The following DCDC1 variants were observed in gnomAD, a reference collection of about 807,000 sequenced individuals.
DCDC1 encodes the protein doublecortin domain-containing protein 1.
Under a neutral mutation model 178.3 loss-of-function variants are expected in DCDC1, and 200 were observed. The ratio of observed to expected loss-of-function variants is 1.12; its 90% CI spans 1.00 to 1.26. The LOEUF (loss-of-function observed/expected upper bound fraction) is 1.26, where lower values mean the gene tolerates loss of function less well. Among genes scored for constraint, DCDC1 ranks in the 50% most tolerant of loss-of-function variants. The pLI is 0.00. For missense variants in DCDC1, 1,983 were observed against 1,749.2 expected (o/e 1.13, Z -2.38); for synonymous variants, 690 against 604.8 (o/e 1.14, Z -2.07).
At chr11:30,986,044 T>C (rs187421568) in intron 20 of DCDC1, among the ~76,000 whole-genome samples, 28 of 152,290 alleles carry the variant, frequency 1.8e-4, no homozygotes, top group South Asian at 4.1e-4. Flanking sequence ...TGTTTTTCTG[T>C]AGTGTATAAA....
intron 9 of DCDC1, among the ~76,000 whole-genome samples, chr11:31,213,200 G>C (rs116554594): frequency 7.3e-6 from 1 of 136,736 alleles, no homozygotes; most frequent in Non-Finnish European, 1.5e-5. Context: ...TGTCCTCCAA[G>C]AAAGGCATGT....
At chr11:30,971,428 A>C (rs1161753751) in intron 20 of DCDC1, among the ~76,000 whole-genome samples, 1 of 152,134 alleles carries the variant, frequency 6.6e-6, no homozygotes, top group Non-Finnish European at 1.5e-5. Context: ...AAATTAGGAA[A>C]ATAATTCAAA....
At chr11:31,115,856 G>T (rs1959824837) in intron 11 of DCDC1, among the ~76,000 whole-genome samples, 1 of 152,034 alleles carries the variant, frequency 6.6e-6, no homozygotes, top group Admixed American at 6.6e-5. Flanking sequence ...AGGGAGACAT[G>T]CCTTTGCATC....
intron 9 of DCDC1, among the ~76,000 whole-genome samples, chr11:31,162,704 A>AT (rs551689582): frequency 6.6e-6 from 1 of 152,172 alleles, no homozygotes; most frequent in Non-Finnish European, 1.5e-5. Flanking sequence ...AAAACCAGCA[A>AT]TGTATTTCTG....
At chr11:30,896,677 A>G (rs1267668468) in intron 34 of DCDC1, among the ~76,000 whole-genome samples, 4 of 152,108 alleles carry the variant, frequency 2.6e-5, no homozygotes, top group Non-Finnish European at 4.4e-5. Context: ...CGTTTTACTT[A>G]TTTATCAGTT....
chr11:31,009,809 TCA>T (rs978749901), intron 20 of DCDC1, among the ~76,000 whole-genome samples: 1 of 152,132 alleles, frequency 6.6e-6, no homozygotes, highest in African/African-American at 2.4e-5. Context: ...TTTAATTGAC[TCA>T]CAGTTCCACA....
chr11:31,096,130 T>C (rs1032868755), intron 15 of DCDC1, among the ~76,000 whole-genome samples: 2 of 152,182 alleles, frequency 1.3e-5, no homozygotes, highest in Non-Finnish European at 2.9e-5. Context: ...TATTCTGTAA[T>C]GAAAGTCACT....
In DCDC1 at chr11:31,217,551, G is replaced by A. The variant is rs1350829196; in HGVS notation, c.1221+23899C>T. 1.3e-5 allele frequency among the ~76,000 whole-genome samples: 2 copies of A among 152,020 alleles called. 1 individual carries two copies. The highest frequency in any genetic ancestry group is 2.9e-5 in the Non-Finnish European group (2 of 67,958). ...AACTAGAAGCACCTCTGTAAGAAAA[G>A]ATCCAAATGTTATCACTGGAAACTA... is the stretch of plus-strand genomic sequence containing the variant. On this transcript the variant is annotated intron_variant, in intron 9 of 38. Coordinates refer to ENST00000684477, the MANE Select transcript of DCDC1 (RefSeq NM_001387274.1).
intron 11 of DCDC1, among the ~76,000 whole-genome samples, chr11:31,123,884 C>A (rs1961175773): frequency 6.6e-6 from 1 of 151,906 alleles, no homozygotes; most frequent in Admixed American, 6.6e-5. Flanking sequence ...GAAAAATATT[C>A]TTTTATTTTA....
chr11:30,975,841 T>A (rs1950072903), intron 20 of DCDC1, among the ~76,000 whole-genome samples: 1 of 151,816 alleles, frequency 6.6e-6, no homozygotes, highest in Admixed American at 6.6e-5. Flanking sequence ...TGTCATTTTT[T>A]ACAGAAATAG....
intron 20 of DCDC1, among the ~76,000 whole-genome samples, chr11:31,024,715 G>A (rs1200527230): frequency 1.3e-5 from 2 of 151,740 alleles, no homozygotes; most frequent in African/African-American, 2.4e-5. Context: ...GTATTTAGAT[G>A]ACATACATAC....
intron 8 of DCDC1, among the ~76,000 whole-genome samples, chr11:31,259,157 C>T (rs866258412): frequency 6.6e-6 from 1 of 152,040 alleles, no homozygotes; most frequent in East Asian, 1.9e-4. Context: ...TCAAGACCAA[C>T]CTGGCCAACA....
intron 21 of DCDC1, among the ~76,000 whole-genome samples, chr11:30,935,799 G>A (rs1274226279): frequency 3.9e-5 from 6 of 152,118 alleles, no homozygotes; most frequent in South Asian, 2.1e-4. Context: ...TGATCCGCCC[G>A]CCTCGGCCTC....
chr11:30,915,458 A>T, intron 27 of DCDC1, 53 bp downstream of exon 27: 1 of 1,593,418 alleles, frequency 6.3e-7, no homozygotes, highest in South Asian at 1.1e-5. Context: ...TGCTAGACTT[A>T]TTAGGATCCT....
At chr11:30,923,120 C>T (rs1197868140) in intron 23 of DCDC1, among the ~76,000 whole-genome samples, 2 of 151,984 alleles carry the variant, frequency 1.3e-5, no homozygotes, top group Non-Finnish European at 2.9e-5. Context: ...TCCCTAAAAC[C>T]CAAATCTGGT....
intron 20 of DCDC1, among the ~76,000 whole-genome samples, chr11:30,988,147 A>T (rs1483586925): frequency 6.6e-6 from 1 of 152,196 alleles, no homozygotes; most frequent in Admixed American, 6.5e-5. Context: ...GTTTTCATTT[A>T]AAAATAATGA....
Position 31,307,663 on chromosome 11 carries a change from A to G in DCDC1, c.410T>C (p.Val137Ala), listed in dbSNP as rs1442409104. 1.2e-6 allele frequency: 2 copies of G among 1,613,910 alleles called. No individual in the cohort carries two copies. Among genetic ancestry groups the G allele is most frequent in the Admixed American group, 3.3e-5 (2 of 59,976 alleles). The change falls in exon 4 of 39, where the codon GTC becomes GCC. Residue 137 changes from valine to alanine, a missense_variant. By Grantham distance (64) the Val-to-Ala change is moderately conservative. Coordinates refer to ENST00000684477, the MANE Select transcript of DCDC1 (RefSeq NM_001387274.1). The stretch of plus-strand genomic sequence containing the variant: ...CCTCAGTTGACCCACTGGAGCACTG[A>G]CAGGTCTGTTTCTCTTGGATGCTGA... ...SISASKRNRPVSAPVGQLRVA... is the reference protein window; with the variant it reads ...SISASKRNRPASAPVGQLRVA...
Position 31,183,310 on chromosome 11 carries a change from C to T in DCDC1, c.1222-45526G>A, listed in dbSNP as rs186294265. The stretch of plus-strand genomic sequence containing the variant: ...AGAATATATATTCTTCTCAGCACCA[C>T]GTGACACTTATTCTAAAATTGACCA... On this transcript the variant is annotated intron_variant, in intron 9 of 38. Transcript: ENST00000684477. Among the ~76,000 whole-genome samples, 126 of 152,280 alleles carry T rather than the reference C, an allele frequency of 8.3e-4. 1 individual carries two copies. Among genetic ancestry groups the T allele is most frequent in the Middle Eastern group, 3.4e-3 (1 of 294 alleles).
At chr11:31,302,872 T>C (rs1196045510) in intron 6 of DCDC1, among the ~76,000 whole-genome samples, 2 of 152,232 alleles carry the variant, frequency 1.3e-5, no homozygotes, top group Admixed American at 1.3e-4. Flanking sequence ...GCTTTTCCAA[T>C]GAATAAGGAA....
Sources: allele counts gnomAD v4.1 joint callset (sites outside exome capture counted in the v4.1 genomes callset), GRCh38; gene constraint gnomAD v4.1.1; transcripts MANE v1.5; gene names NCBI Gene and HGNC (gene_info 2026-07-23, HGNC 2026-07-21).